The following NBAS variants were observed in gnomAD, a reference collection of about 807,000 sequenced individuals.
NBAS encodes the protein NAG/BC035112 fusion.
A neutral mutation model predicts 302.5 loss-of-function variants in NBAS; 219 were observed. The observed-to-expected ratio is 0.72, with a 90% CI of 0.65 to 0.81. The LOEUF (loss-of-function observed/expected upper bound fraction) is 0.81, where lower values mean the gene tolerates loss of function less well. NBAS is among the 30% of genes least tolerant of loss of function. The pLI is 0.00. For missense variants in NBAS, 2,932 were observed against 2,841.6 expected, an observed-to-expected ratio of 1.03 and a Z score of -0.72; for synonymous variants, 1,118 against 1,021.6, an observed-to-expected ratio of 1.09 and a Z score of -1.80.
chr2:15,403,898 T>TGC (rs1676277879), intron 25 of NBAS, among the ~76,000 whole-genome samples: 2 of 134,160 alleles, frequency 1.5e-5, no homozygotes, highest in African/African-American at 5.6e-5. Context: ...TGTGTGTGTG[T>TGC]GTCTATACAC....
chr2:15,087,365 C>A, the NBAS span, among the ~76,000 whole-genome samples: 1 of 152,278 alleles, frequency 6.6e-6, no homozygotes, highest in Middle Eastern at 3.4e-3. Flanking sequence ...GTATCAGTCA[C>A]ATAGTAAGAA....
the NBAS span, among the ~76,000 whole-genome samples, chr2:15,089,900 C>T: frequency 6.6e-6 from 1 of 151,966 alleles, no homozygotes; most frequent in African/African-American, 2.4e-5. Flanking sequence ...AGGCATGTGC[C>T]ATCACACCTG....
At chr2:15,482,778 T>G (rs994065722) in intron 12 of NBAS, among the ~76,000 whole-genome samples, 1 of 152,172 alleles carries the variant, frequency 6.6e-6, no homozygotes, top group Admixed American at 6.5e-5. Context: ...TCTTTACATC[T>G]TCCATTCCAA....
the NBAS span, among the ~76,000 whole-genome samples, chr2:15,064,072 G>A: frequency 6.6e-6 from 1 of 152,170 alleles, no homozygotes; most frequent in South Asian, 2.1e-4. Flanking sequence ...TGTTGTGAAA[G>A]TTTGATGTTT....
At chr2:15,464,031 C>T (rs1171614325) in intron 19 of NBAS, among the ~76,000 whole-genome samples, 3 of 152,036 alleles carry the variant, frequency 2.0e-5, no homozygotes, top group Non-Finnish European at 4.4e-5. Context: ...ACACAACTGG[C>T]GCATGCTGAA....
the NBAS span, among the ~76,000 whole-genome samples, chr2:14,891,393 C>T: frequency 6.6e-6 from 1 of 151,724 alleles, no homozygotes; most frequent in Non-Finnish European, 1.5e-5. Context: ...ATTTTAATTT[C>T]TAATATTTCC....
intron 9 of NBAS, among the ~76,000 whole-genome samples, chr2:15,532,001 G>T (rs1663240011): frequency 6.6e-6 from 1 of 152,064 alleles, no homozygotes; most frequent in African/African-American, 2.4e-5. Context: ...GTTCCACGAG[G>T]AAGATATACC....
intron 31 of NBAS, among the ~76,000 whole-genome samples, chr2:15,373,110 C>T (rs1674567443): frequency 6.6e-6 from 1 of 152,084 alleles, no homozygotes; most frequent in Non-Finnish European, 1.5e-5. Context: ...TTAATGACTT[C>T]AGACATTTAA....
intron 21 of NBAS, among the ~76,000 whole-genome samples, chr2:15,441,050 G>A (rs1230624230): frequency 7.2e-5 from 11 of 152,268 alleles, no homozygotes; most frequent in East Asian, 1.9e-4. Context: ...TGAAAGTGAC[G>A]GGGAGAATGG....
the NBAS span, among the ~76,000 whole-genome samples, chr2:15,018,163 G>A: frequency 1.3e-5 from 2 of 151,934 alleles, no homozygotes; most frequent in Admixed American, 1.3e-4. Flanking sequence ...GGAGGATAGG[G>A]AGAGATTTGT....
At chr2:14,780,517 C>A in the NBAS span, among the ~76,000 whole-genome samples, 4 of 152,186 alleles carry the variant, frequency 2.6e-5, no homozygotes, top group South Asian at 2.1e-4. Flanking sequence ...CATAAAAGTT[C>A]TTTTAAAAGT....
the NBAS span, among the ~76,000 whole-genome samples, chr2:15,159,823 A>C: frequency 6.6e-6 from 1 of 151,960 alleles, no homozygotes; most frequent in Non-Finnish European, 1.5e-5. Flanking sequence ...ACACACACAC[A>C]CACACACACT....
the NBAS span, among the ~76,000 whole-genome samples, chr2:15,151,739 T>G: frequency 6.6e-6 from 1 of 152,242 alleles, no homozygotes; most frequent in African/African-American, 2.4e-5. Context: ...TTTGATCAGT[T>G]TGATTCATGG....
At chr2:15,038,110 T>C in the NBAS span, among the ~76,000 whole-genome samples, 1 of 111,154 alleles carries the variant, frequency 9.0e-6, no homozygotes, top group Non-Finnish European at 1.8e-5. Context: ...ACTGACTTTA[T>C]TCTTTTTTTT....
chr2:15,461,770 C>T lies in NBAS; in HGVS notation c.2119G>A (p.Ala707Thr), dbSNP rs1679516891. The T allele has an allele frequency of 1.9e-6, 3 of 1,602,106 alleles. 1 individual carries two copies. Among genetic ancestry groups the T allele is most frequent in the Non-Finnish European group, 1.7e-6 (2 of 1,169,940 alleles). ...TCAGCATCATATCTCTGTTCAGATG[C>T]ATGAGGCACTCCTAGGATTTCCTGA... ...TYEEILGVPH[A>T]SEQRYDAEFF... is the part of the protein sequence containing the mutation. The change falls in exon 20 of 52, where the codon GCA (alanine) becomes ACA (threonine). Residue 707 changes from alanine to threonine, a missense_variant. Physicochemically the swap from Ala to Thr is moderately conservative, Grantham distance 58. Transcript: ENST00000281513.
Position 15,511,558 on chromosome 2 carries a change from A to C in NBAS, c.747-208T>G, listed in dbSNP as rs750790904. ...GAATTTCACCATATACTAAGGCTTA[A>C]ATATTCAGGCACCTGAAATGCAGGT... On this transcript the variant is annotated intron_variant, in intron 9 of 51. Coordinates refer to ENST00000281513, the MANE Select transcript of NBAS (RefSeq NM_015909.4). 3.9e-4 allele frequency among the ~76,000 whole-genome samples: 59 copies of C among 152,248 alleles called. 1 individual carries two copies. The highest frequency in any genetic ancestry group is 2.9e-4 in the Non-Finnish European group (20 of 68,042).
At chr2:14,921,443 T>C in the NBAS span, among the ~76,000 whole-genome samples, 1 of 152,124 alleles carries the variant, frequency 6.6e-6, no homozygotes, top group Admixed American at 6.5e-5. Context: ...AAAGTGCCAA[T>C]CAACTTCCTC....
the NBAS span, among the ~76,000 whole-genome samples, chr2:15,142,734 G>A: frequency 1.3e-5 from 2 of 152,180 alleles, no homozygotes; most frequent in African/African-American, 2.4e-5. Flanking sequence ...GTCTATCTCT[G>A]CAGAGGATGA....
intron 31 of NBAS, among the ~76,000 whole-genome samples, chr2:15,370,789 A>G (rs1456676714): frequency 1.3e-5 from 2 of 152,168 alleles, no homozygotes; most frequent in African/African-American, 2.4e-5. Flanking sequence ...CTGTACCCCT[A>G]TTGTATCTTG....
Sources: allele counts gnomAD v4.1 joint callset (sites outside exome capture counted in the v4.1 genomes callset), GRCh38; gene constraint gnomAD v4.1.1; transcripts MANE v1.5; gene names NCBI Gene and HGNC (gene_info 2026-07-23, HGNC 2026-07-21).